SEC63: variants seen among roughly 807,000 people sequenced by gnomAD.
SEC63 encodes the protein translocation protein SEC63 homolog.
Under a neutral mutation model 116.2 loss-of-function variants are expected in SEC63, and 56 were observed. The ratio of observed to expected loss-of-function variants is 0.48; its 90% CI spans 0.39 to 0.60. SEC63 has a LOEUF of 0.60. Ranked by LOEUF, SEC63 falls within the 20% of genes least tolerant of loss-of-function variation. The probability of loss-of-function intolerance (pLI) is 0.00; values close to 1 mark genes in which losing one functional copy is unlikely to be tolerated. For synonymous variants in SEC63, 273 were observed against 294.6 expected (o/e 0.93, Z 0.75); for missense variants, 668 against 900.0 (o/e 0.74, Z 3.30).
In SEC63 at chr6:107,893,825, C is replaced by G. The variant is rs1253628039; in HGVS notation, c.1500+13G>C. ...TCACTAGGAAAAATAGGTTCGGAAA[C>G]CCAAGTTTTTACCCCATCTTCTGCT... is the stretch of plus-strand genomic sequence containing the variant. On this transcript the variant is annotated intron_variant, in intron 15 of 20. Transcript: ENST00000369002. 6.2e-7 allele frequency: 1 copy of G among 1,613,842 alleles called. No individual in the cohort carries two copies. The highest frequency in any genetic ancestry group is 8.5e-7 in the Non-Finnish European group (1 of 1,179,930).
At chr6:107,887,710 G>A (rs1048162012) in intron 16 of SEC63, among the ~76,000 whole-genome samples, 9 of 152,026 alleles carry the variant, frequency 5.9e-5, no homozygotes, top group East Asian at 1.9e-4. Context: ...TAACTAACCC[G>A]CACAATGTGC....
intron 14 of SEC63, among the ~76,000 whole-genome samples, chr6:107,896,002 T>TA (rs1402856148): frequency 6.6e-6 from 1 of 151,406 alleles, no homozygotes; most frequent in Non-Finnish European, 1.5e-5. Context: ...CCATTTCTAC[T>TA]AAAAATACAA....
intron 1 of SEC63, among the ~76,000 whole-genome samples, chr6:107,954,265 G>A (rs1770654634): frequency 1.3e-5 from 2 of 151,568 alleles, no homozygotes; most frequent in Admixed American, 1.3e-4. Context: ...ATGCTTGAAG[G>A]CAGCATGCTC....
rs1786742090 is a variant in SEC63 at position 107,893,603 on chromosome 6, T to C, written c.1553A>G (p.Lys518Arg). Reference sequence around the variant, plus strand: ...TGATTTAGCAGTTTTCTTGGGTCCTTTACTCTTCTGTTGCCATCCTCCTTT... The same window carrying C: ...TGATTTAGCAGTTTTCTTGGGTCCTCTACTCTTCTGTTGCCATCCTCCTTT... ...RTKGGWQQKS[K>R]GPKKTAKSKK... The change falls in exon 16 of 21, where the codon AAA becomes AGA. Residue 518 changes from lysine to arginine, a missense_variant. Coordinates refer to ENST00000369002, the MANE Select transcript of SEC63 (RefSeq NM_007214.5). 1 of 1,612,284 alleles carries C rather than the reference T, an allele frequency of 6.2e-7. No individual in the cohort carries two copies. The highest frequency in any genetic ancestry group is 1.3e-5 in the African/African-American group (1 of 74,750).
chr6:107,930,872 G>C (rs752602054), intron 1 of SEC63, among the ~76,000 whole-genome samples: 1 of 151,978 alleles, frequency 6.6e-6, no homozygotes, highest in African/African-American at 2.4e-5. Context: ...GTGCACACCT[G>C]TAGTCCCAGC....
At chr6:107,881,024 CT>C in intron 18 of SEC63, 124 bp downstream of exon 18, 1 of 742,662 alleles carries the variant, frequency 1.3e-6, no homozygotes, top group East Asian at 2.5e-5. Context: ...AATATGGCCT[CT>C]CAGGATAGAC....
At chr6:107,952,083 T>A (rs1583782389) in intron 1 of SEC63, among the ~76,000 whole-genome samples, 1 of 152,210 alleles carries the variant, frequency 6.6e-6, no homozygotes, top group East Asian at 1.9e-4. Context: ...ACAGAGCTTT[T>A]GTCCTTAATT....
chr6:107,946,125 C>T (rs1034394025), intron 1 of SEC63, among the ~76,000 whole-genome samples: 1 of 151,678 alleles, frequency 6.6e-6, no homozygotes, highest in East Asian at 1.9e-4. Context: ...TTAGTAAAGA[C>T]GGGGTTTCAC....
intron 1 of SEC63, among the ~76,000 whole-genome samples, chr6:107,952,489 G>A (rs1250543432): frequency 1.9e-4 from 29 of 152,176 alleles, no homozygotes; most frequent in Admixed American, 1.8e-3. Flanking sequence ...CGGGCACAGT[G>A]GCTCACAGCT....
At chr6:107,909,492 A>C (rs958567730) in intron 7 of SEC63, among the ~76,000 whole-genome samples, 15 of 152,296 alleles carry the variant, frequency 9.8e-5, no homozygotes, top group Admixed American at 8.5e-4. Flanking sequence ...GAGTCTTACA[A>C]CAAGGACCTC....
intron 1 of SEC63, among the ~76,000 whole-genome samples, chr6:107,940,144 A>C (rs532119039): frequency 6.6e-6 from 1 of 152,232 alleles, no homozygotes; most frequent in African/African-American, 2.4e-5. Context: ...GCAATGGAGG[A>C]GGGAACCTAG....
chr6:107,878,092 TAA>T (rs1298266428), intron 18 of SEC63, among the ~76,000 whole-genome samples: 1 of 152,078 alleles, frequency 6.6e-6, no homozygotes, highest in Non-Finnish European at 1.5e-5. Context: ...ATGAAAAAAA[TAA>T]GTGTGGCTGT....
At chr6:107,934,240 G>A (rs908577717) in intron 1 of SEC63, among the ~76,000 whole-genome samples, 5 of 151,436 alleles carry the variant, frequency 3.3e-5, no homozygotes, top group Admixed American at 6.6e-5. Context: ...AGTGAGGAGC[G>A]CCTCTTCCCA....
intron 16 of SEC63, among the ~76,000 whole-genome samples, chr6:107,883,717 G>T (rs1786464041): frequency 6.6e-6 from 1 of 151,246 alleles, no homozygotes; most frequent in South Asian, 2.1e-4. Context: ...TGAGGTGGGA[G>T]AATCATTTGA....
chr6:107,952,613 C>G (rs1770603848), intron 1 of SEC63, among the ~76,000 whole-genome samples: 1 of 151,810 alleles, frequency 6.6e-6, no homozygotes, highest in Admixed American at 6.6e-5. Flanking sequence ...CAAAAATTAG[C>G]CGGGCGTAGT....
At chr6:107,901,602 A>G (rs1787006265) in intron 12 of SEC63, 85 bp from the exon 13 acceptor site, 3 of 966,620 alleles carry the variant, frequency 3.1e-6, no homozygotes, top group Non-Finnish European at 3.1e-6. Context: ...TGTTAACCAC[A>G]ACAAAATCCA....
At chr6:107,913,334 C>T (rs1028354020) in intron 5 of SEC63, 32 bp downstream of exon 5, 13 of 1,323,836 alleles carry the variant, frequency 9.8e-6, no homozygotes, top group Non-Finnish European at 1.3e-5. Flanking sequence ...TATACCATAT[C>T]GCCAATATTT....
In SEC63 at chr6:107,870,339, AACT is replaced by A. The variant is rs1404002602; in HGVS notation, c.*1362_*1364del. ...TTGCTAATTTTCACATTTTATTTCC[AACT>A]ATTGCAGTAACAAGATGCCGGTAGT... On this transcript the variant is annotated 3_prime_UTR_variant, in exon 21 of 21. Coordinates refer to ENST00000369002, the MANE Select transcript of SEC63 (RefSeq NM_007214.5). 6.6e-6 allele frequency: 1 copy of A among 152,644 alleles called. No homozygotes were observed. Among genetic ancestry groups the A allele is most frequent in the Admixed American group, 6.5e-5 (1 of 15,280 alleles). 9.5% of individuals were successfully genotyped at this position (152,644 alleles called of 1,614,324 possible).
chr6:107,925,686 T>A (rs1294584608), intron 2 of SEC63, among the ~76,000 whole-genome samples: 2 of 152,186 alleles, frequency 1.3e-5, no homozygotes, highest in Non-Finnish European at 2.9e-5. Context: ...TAAAGTAATA[T>A]CTGGCAGTAA....
Sources: allele counts gnomAD v4.1 joint callset (sites outside exome capture counted in the v4.1 genomes callset), GRCh38; gene constraint gnomAD v4.1.1; transcripts MANE v1.5; gene names NCBI Gene and HGNC (gene_info 2026-07-23, HGNC 2026-07-21).